The following MTA3 variants were observed in gnomAD, a reference collection of about 807,000 sequenced individuals.
The protein encoded by MTA3 is metastasis-associated protein MTA3.
MTA3 carries 34 observed loss-of-function variants against 83.5 expected under a neutral mutation model. The observed-to-expected ratio is 0.41, with a 90% confidence interval of 0.31 to 0.54. The LOEUF is 0.54. MTA3 is among the 20% of genes least tolerant of loss of function. MTA3 has a pLI of 0.33. For synonymous variants in MTA3, 303 were observed against 252.7 expected (o/e 1.20, Z -1.89); for missense variants, 761 against 726.4 (o/e 1.05, Z -0.55).
At position 42,559,057 on chromosome 2, in the gene MTA3, AC is replaced by A. The variant is rs1677538142; in HGVS notation, c.-140-11378del. Among the ~76,000 whole-genome samples, 3 of 151,806 alleles carry A rather than the reference AC, an allele frequency of 2.0e-5. No homozygotes were observed. In the South Asian group the frequency reaches 6.2e-4, roughly 32 times the overall value. Reference sequence around the variant, plus strand: ...ACTCCCTCTCCTGGCAGGTAATCTCACCAGTCTCCAGCTTCCTCCACTGTCT... The same window carrying A: ...ACTCCCTCTCCTGGCAGGTAATCTCACAGTCTCCAGCTTCCTCCACTGTCT... On this transcript the variant is annotated intron_variant, in intron 2 of 17. Transcript: ENST00000405592.
intron 16 of MTA3, among the ~76,000 whole-genome samples, chr2:42,738,817 A>G (rs1573815019): frequency 6.6e-6 from 1 of 152,170 alleles, no homozygotes. Context: ...CCTGTTTCTT[A>G]TGGTTGAGAC....
chr2:42,511,412 C>A (rs113910290), intron 2 of MTA3, among the ~76,000 whole-genome samples: 2 of 151,462 alleles, frequency 1.3e-5, no homozygotes, highest in Admixed American at 6.6e-5. Flanking sequence ...CATGTTCTCA[C>A]AGGTTGCAAA....
intron 3 of MTA3, among the ~76,000 whole-genome samples, chr2:42,592,386 C>T (rs1681123137): frequency 6.6e-6 from 1 of 152,044 alleles, no homozygotes; most frequent in African/African-American, 2.4e-5. Flanking sequence ...GAGTTTAAGA[C>T]CAGCTTGAGC....
At chr2:42,669,065 G>C (rs7578653) in intron 8 of MTA3, among the ~76,000 whole-genome samples, 117,107 of 150,640 alleles carry the variant, frequency 0.78, 46,105 homozygotes, top group African/African-American at 0.9. Flanking sequence ...AGTTTAGAAG[G>C]CACAACAGAA....
At chr2:42,603,728 G>A (rs533961994) in intron 3 of MTA3, among the ~76,000 whole-genome samples, 2 of 152,176 alleles carry the variant, frequency 1.3e-5, no homozygotes, top group South Asian at 4.2e-4. Flanking sequence ...CTTTCCAGGG[G>A]GTCTATGAGG....
At chr2:42,507,805 C>A (rs1268752123) in intron 2 of MTA3, among the ~76,000 whole-genome samples, 1 of 151,770 alleles carries the variant, frequency 6.6e-6, no homozygotes, top group South Asian at 2.1e-4. Flanking sequence ...GGGGCGCACA[C>A]CTGTAGTCCC....
chr2:42,600,090 C>T (rs544027254), intron 3 of MTA3, among the ~76,000 whole-genome samples: 201 of 152,132 alleles, frequency 1.3e-3, no homozygotes, highest in Middle Eastern at 6.8e-3. Flanking sequence ...CCCAGCTACT[C>T]AGGAGGCTGA....
At chr2:42,592,982 C>T (rs1681217259) in intron 3 of MTA3, among the ~76,000 whole-genome samples, 1 of 150,202 alleles carries the variant, frequency 6.7e-6, no homozygotes, top group Admixed American at 6.7e-5. Flanking sequence ...GAAACACTGT[C>T]TCTACTAAAA....
intron 2 of MTA3, among the ~76,000 whole-genome samples, chr2:42,545,554 TGA>T (rs528985939): frequency 1.3e-3 from 203 of 152,118 alleles, no homozygotes; most frequent in African/African-American, 4.6e-3. Flanking sequence ...TAAAAATGTG[TGA>T]GTGTTTCGGG....
intron 2 of MTA3, among the ~76,000 whole-genome samples, chr2:42,560,084 G>T (rs572048514): frequency 1.8e-4 from 28 of 151,946 alleles, no homozygotes; most frequent in African/African-American, 6.0e-4. Flanking sequence ...TATTTTTTGA[G>T]ATGGAGTTTT....
chr2:42,594,452 G>A (rs1248019592), intron 3 of MTA3, among the ~76,000 whole-genome samples: 2 of 150,430 alleles, frequency 1.3e-5, no homozygotes, highest in African/African-American at 4.9e-5. Context: ...TGGCCAGGCT[G>A]GTCTCAAACT....
chr2:42,599,564 C>G (rs778026506), intron 3 of MTA3, among the ~76,000 whole-genome samples: 1 of 151,134 alleles, frequency 6.6e-6, no homozygotes, highest in Non-Finnish European at 1.5e-5. Context: ...CACTCCAGCC[C>G]GGGCGACAGT....
intron 16 of MTA3, among the ~76,000 whole-genome samples, chr2:42,735,907 C>T (rs933267507): frequency 6.6e-6 from 1 of 152,184 alleles, no homozygotes; most frequent in African/African-American, 2.4e-5. Context: ...TGAAAGGACA[C>T]ATATCTCCAT....
At chr2:42,602,099 C>A (rs1420161957) in intron 3 of MTA3, among the ~76,000 whole-genome samples, 1 of 152,178 alleles carries the variant, frequency 6.6e-6, no homozygotes, top group East Asian at 1.9e-4. Context: ...TCTTGGCCCC[C>A]CAAAGTGTTG....
intron 4 of MTA3, among the ~76,000 whole-genome samples, chr2:42,614,670 G>C (rs564940295): frequency 6.6e-6 from 1 of 151,854 alleles, no homozygotes; most frequent in East Asian, 1.9e-4. Context: ...TAGTGAATTC[G>C]GCTTTAAAAT....
chr2:42,627,471 T>TA (rs2104233521), intron 4 of MTA3, among the ~76,000 whole-genome samples: 1 of 152,338 alleles, frequency 6.6e-6, no homozygotes, highest in African/African-American at 2.4e-5. Flanking sequence ...CTTTTCTTCT[T>TA]AGTCTTTCCC....
At position 42,615,522 on chromosome 2, in the gene MTA3, A is replaced by G. The variant is rs552915111; in HGVS notation, c.317+5938A>G. ...AGGCATGCGCCAGCGTGCTCAGCTA[A>G]TTTTTGTATTTTTAGTAGAGACAGG... On this transcript the variant is annotated intron_variant, in intron 4 of 16. Transcript: ENST00000405094. 3.3e-5 allele frequency among the ~76,000 whole-genome samples: 5 copies of G among 151,042 alleles called. No individual in the cohort carries two copies. In the East Asian group the frequency reaches 9.9e-4, roughly 30 times the overall value.
rs146921280 is a variant in MTA3, at chr2:42,745,824, C to CTTTTTTTTTTTTTTTT, written c.1760-7542_1760-7541insTTTTTTTTTTTTTTTT. On this transcript the variant is annotated intron_variant, in intron 16 of 16. Transcript: ENST00000405094. ...TTTTATGTCCTTTTGAAATAGTCCT[C>CTTTTTTTTTTTTTTTT]TTTTTTTTGAGACAGAGTCTCGCTC... 9.2e-5 allele frequency among the ~76,000 whole-genome samples: 11 copies of CTTTTTTTTTTTTTTTT among 119,354 alleles called. 1 individual carries two copies. The highest frequency in any genetic ancestry group is 1.3e-4 in the African/African-American group (4 of 30,926). The allele number at this position is 119,354 out of a possible 152,430, so 78.3% of individuals were successfully genotyped here. A position where few individuals can be genotyped will look rare whatever the true frequency, so the allele number is the denominator to read the frequency against.
At chr2:42,626,236 C>T (rs1444658943) in intron 4 of MTA3, among the ~76,000 whole-genome samples, 2 of 150,214 alleles carry the variant, frequency 1.3e-5, no homozygotes, top group East Asian at 3.9e-4. Flanking sequence ...AACCACCGTG[C>T]CCGGCCATAG....
Sources: allele counts gnomAD v4.1 joint callset (sites outside exome capture counted in the v4.1 genomes callset), GRCh38; gene constraint gnomAD v4.1.1; transcripts MANE v1.5; gene names NCBI Gene and HGNC (gene_info 2026-07-23, HGNC 2026-07-21).